FAM227B: variants seen among roughly 807,000 people sequenced by gnomAD.
The protein encoded by FAM227B is family with sequence similarity 227 member B, also known as protein FAM227B.
A neutral mutation model predicts 73.8 loss-of-function variants in FAM227B; 88 were observed. The ratio of observed to expected loss-of-function variants is 1.19; its 90% confidence interval spans 1.00 to 1.42. The LOEUF (loss-of-function observed/expected upper bound fraction) is 1.42. Ranked by LOEUF, FAM227B falls within the 40% of genes most tolerant of loss-of-function variation. FAM227B has a pLI of 0.00. For missense variants in FAM227B, 632 were observed against 590.9 expected (o/e 1.07, Z -0.72); for synonymous variants, 210 against 190.5 (o/e 1.10, Z -0.84).
At chr15:49,606,999 G>A (rs1020873197) in intron 3 of FAM227B, among the ~76,000 whole-genome samples, 2 of 152,192 alleles carry the variant, frequency 1.3e-5, no homozygotes, top group Non-Finnish European at 2.9e-5. Context: ...GGAGACTTGT[G>A]TAGGATGAAA....
At chr15:49,591,045 ATT>A (rs748799826) in intron 3 of FAM227B, among the ~76,000 whole-genome samples, 1 of 72,554 alleles carries the variant, frequency 1.4e-5, no homozygotes, top group Non-Finnish European at 2.5e-5. Context: ...TTTTTTTTTG[ATT>A]TTTTTTTTTT....
chr15:49,366,774 G>C (rs867202793), intron 13 of FAM227B: 8 of 638,526 alleles, frequency 1.3e-5, no homozygotes, highest in Non-Finnish European at 2.1e-5. Flanking sequence ...CTCCGTGGCG[G>C]GGGCGGCCGG....
intron 11 of FAM227B, among the ~76,000 whole-genome samples, chr15:49,476,462 T>A (rs2413957): frequency 0.32 from 49,258 of 151,640 alleles, 8,730 homozygotes; most frequent in African/African-American, 0.45. Flanking sequence ...GGTCTGTATA[T>A]CCAGTATTTG....
At chr15:49,441,044 T>C (rs924676990) in intron 11 of FAM227B, among the ~76,000 whole-genome samples, 1 of 151,758 alleles carries the variant, frequency 6.6e-6, no homozygotes, top group African/African-American at 2.4e-5. Context: ...AACATAACAC[T>C]TAAATACTTA....
At chr15:49,409,129 C>T (rs190795547) in intron 11 of FAM227B, among the ~76,000 whole-genome samples, 653 of 152,106 alleles carry the variant, frequency 4.3e-3, no homozygotes, top group Middle Eastern at 0.01. Flanking sequence ...CATGAGAGTC[C>T]TCTGGAGATG....
chr15:49,377,254 T>C (rs2046228645), intron 11 of FAM227B, among the ~76,000 whole-genome samples: 1 of 152,168 alleles, frequency 6.6e-6, no homozygotes, highest in African/African-American at 2.4e-5. Context: ...CATTTTCTTA[T>C]TCTTTCATCT....
chr15:49,438,231 C>T (rs1228196188), intron 11 of FAM227B, among the ~76,000 whole-genome samples: 1 of 151,690 alleles, frequency 6.6e-6, no homozygotes, highest in Non-Finnish European at 1.5e-5. Context: ...ATAGTAGAAG[C>T]ACTAACTAAT....
At chr15:49,550,487 G>A (rs559341590) in intron 9 of FAM227B, among the ~76,000 whole-genome samples, 20 of 151,914 alleles carry the variant, frequency 1.3e-4, no homozygotes, top group East Asian at 2.0e-4. Context: ...CTTCTCAGAC[G>A]GGGCAGCTGC....
intron 9 of FAM227B, among the ~76,000 whole-genome samples, chr15:49,546,049 C>T (rs1436185126): frequency 2.0e-5 from 3 of 151,442 alleles, no homozygotes; most frequent in Non-Finnish European, 2.9e-5. Flanking sequence ...TGTTGGTGTG[C>T]TGCACCCATT....
intron 13 of FAM227B, among the ~76,000 whole-genome samples, chr15:49,357,604 C>T (rs1259089997): frequency 1.3e-5 from 2 of 150,498 alleles, no homozygotes; most frequent in East Asian, 2.0e-4. Context: ...CAATAGCTTA[C>T]CAACCAAAAA....
chr15:49,520,449 T>C (rs187800006), intron 10 of FAM227B, among the ~76,000 whole-genome samples: 69 of 152,306 alleles, frequency 4.5e-4, no homozygotes, highest in African/African-American at 1.6e-3. Context: ...TACCCTGCTC[T>C]CCTGGTGCCA....
In FAM227B at chr15:49,611,735, GTTTC is replaced by G. The variant is rs532107588; in HGVS notation, c.52-471_52-468del. Among the ~76,000 whole-genome samples, 180 of 152,226 alleles carry G rather than the reference GTTTC, an allele frequency of 1.2e-3. 1 individual carries two copies. Among genetic ancestry groups the G allele is most frequent in the African/African-American group, 4.1e-3 (172 of 41,522 alleles). Reference sequence around the variant, plus strand: ...TAGATAAAAATCACATTTTTTAGTAGTTTCTTTGTGATTTCAAAATGTATTCAAC... The same window carrying G: ...TAGATAAAAATCACATTTTTTAGTAGTTTGTGATTTCAAAATGTATTCAAC... On this transcript the variant is annotated intron_variant, in intron 2 of 15. Coordinates refer to ENST00000299338, the MANE Select transcript of FAM227B (RefSeq NM_152647.3).
At chr15:49,602,156 A>C (rs1276443956) in intron 3 of FAM227B, among the ~76,000 whole-genome samples, 6 of 152,100 alleles carry the variant, frequency 3.9e-5, no homozygotes, top group Admixed American at 6.6e-5. Flanking sequence ...TGGGGTATAC[A>C]CTCAGCAGTG....
intron 13 of FAM227B, among the ~76,000 whole-genome samples, chr15:49,347,494 C>A (rs920837305): frequency 6.6e-6 from 1 of 152,180 alleles, no homozygotes; most frequent in South Asian, 2.1e-4. Context: ...TTGCTTAGCA[C>A]CCTCATACTA....
At chr15:49,375,880 G>A (rs1254206113) in intron 11 of FAM227B, among the ~76,000 whole-genome samples, 1 of 152,074 alleles carries the variant, frequency 6.6e-6, no homozygotes, top group East Asian at 1.9e-4. Flanking sequence ...AGAAGGAATT[G>A]AGACTATCTT....
intron 3 of FAM227B, among the ~76,000 whole-genome samples, chr15:49,607,494 G>A (rs1183719392): frequency 6.6e-6 from 1 of 152,196 alleles, no homozygotes; most frequent in Non-Finnish European, 1.5e-5. Context: ...TATGAGTCAT[G>A]TGTTGCTATT....
intron 3 of FAM227B, among the ~76,000 whole-genome samples, chr15:49,609,264 G>C (rs1405056251): frequency 1.3e-5 from 2 of 151,908 alleles, no homozygotes; most frequent in African/African-American, 4.8e-5. Flanking sequence ...AGAGAAATGA[G>C]AGGATAAAAA....
At chr15:49,579,601 G>T (rs1340598002) in intron 5 of FAM227B, among the ~76,000 whole-genome samples, 2 of 152,162 alleles carry the variant, frequency 1.3e-5, no homozygotes, top group East Asian at 3.8e-4. Context: ...TTTCGTGGAG[G>T]TATAGAGTAG....
intron 11 of FAM227B, among the ~76,000 whole-genome samples, chr15:49,394,020 T>A (rs2047396634): frequency 6.6e-6 from 1 of 152,154 alleles, no homozygotes; most frequent in African/African-American, 2.4e-5. Flanking sequence ...TTAAAATGCA[T>A]CCCTTTTTTG....
Sources: allele counts gnomAD v4.1 joint callset (sites outside exome capture counted in the v4.1 genomes callset), GRCh38; gene constraint gnomAD v4.1.1; transcripts MANE v1.5; gene names NCBI Gene and HGNC (gene_info 2026-07-23, HGNC 2026-07-21).